Variants in CYP2A6 observed in about 807,000 individuals in gnomAD.
CYP2A6 encodes cytochrome P450 family 2 subfamily A member 6.
Under a neutral mutation model 42.3 loss-of-function variants are expected in CYP2A6, and 27 were observed. The observed-to-expected ratio is 0.64, with a 90% CI of 0.47 to 0.88. The LOEUF is 0.88. CYP2A6 is among the 40% of genes least tolerant of loss of function. The pLI, the probability that CYP2A6 is intolerant of heterozygous loss-of-function variation, is 0.00. For synonymous variants in CYP2A6, 238 were observed against 246.3 expected (o/e 0.97, Z 0.31); for missense variants, 628 against 646.0 (o/e 0.97, Z 0.30).
In CYP2A6 at chr19:40,844,764, T is replaced by C; in HGVS notation, c.1170A>G (p.Glu390=). 6.2e-7 allele frequency: 1 copy of C among 1,610,722 alleles called. No individual in the cohort carries two copies. Among genetic ancestry groups the C allele is most frequent in the Non-Finnish European group, 8.5e-7 (1 of 1,179,416 alleles). Residue 390 remains glutamate (E), a synonymous_variant, in exon 8 of 9, where the codon GAA becomes GAG. Coordinates refer to ENST00000301141, the MANE Select transcript of CYP2A6 (RefSeq NM_000762.6). ...FRDFFLPKGT[E]VYPMLGSVLR... ...GCACAGAGCCCAGCATAGGGTACAC[T>C]TCGGTGCCCTGGTAGGGAGGAGGAA...
chr19:40,843,730 A>G lies in CYP2A6; in HGVS notation c.*66T>C. 8 of 1,380,672 alleles carry G rather than the reference A, an allele frequency of 5.8e-6. 3 individuals carry two copies. The South Asian group carries it at 9.1e-5, about 16-fold the overall frequency. 85.5% of individuals were successfully genotyped at this position (1,380,672 alleles called of 1,614,324 possible). A position where few individuals can be genotyped will look rare whatever the true frequency, so the allele number is the denominator to read the frequency against. ...CAGTCTTAGCTGCGCCCCTCTCCCAAGCCCGGTCTTGGCCCTGCCCTTTCC... is the reference window on the plus strand; with the variant it reads ...CAGTCTTAGCTGCGCCCCTCTCCCAGGCCCGGTCTTGGCCCTGCCCTTTCC... On this transcript the variant is annotated 3_prime_UTR_variant, in exon 9 of 9. Coordinates refer to ENST00000301141, the MANE Select transcript of CYP2A6 (RefSeq NM_000762.6).
intron 7 of CYP2A6, 77 bp from the exon 8 acceptor site, chr19:40,844,849 A>G: frequency 5.2e-6 from 8 of 1,533,806 alleles, no homozygotes; most frequent in Non-Finnish European, 7.0e-6. Flanking sequence ...TGGAGGGGGA[A>G]CTAGTGTGCC....
At position 40,845,159 on chromosome 19, in the gene CYP2A6, G is replaced by A. The variant is rs772254031; in HGVS notation, c.1161+135C>T. The A allele has an allele frequency of 7.4e-6, 8 of 1,084,314 alleles. No homozygotes were observed. In the African/African-American group the frequency reaches 1.3e-4, roughly 17 times the overall value. 67.2% of individuals were successfully genotyped at this position (1,084,314 alleles called of 1,614,324 possible). ...TAAGTGGAAAGGTGGAACGGATGTG[G>A]TGGTTGGGGAAGTCTTTTTTGACTG... On this transcript the variant is annotated intron_variant, in intron 7 of 8. Coordinates refer to ENST00000301141, the MANE Select transcript of CYP2A6 (RefSeq NM_000762.6).
Position 40,845,531 on chromosome 19 carries a change from G to A in CYP2A6, c.974-50C>T, listed in dbSNP as rs528694759. On this transcript the variant is annotated intron_variant, in intron 6 of 8. Coordinates refer to ENST00000301141, the MANE Select transcript of CYP2A6 (RefSeq NM_000762.6). ...TAGGTATCTAGGGGTCTCAGAGCAG[G>A]AAATGATAGTCCGAATAGGCAAAAT... 3.4e-5 allele frequency: 54 copies of A among 1,602,110 alleles called. 1 individual carries two copies. In the South Asian group the frequency reaches 4.6e-4, roughly 14 times the overall value.
chr19:40,850,032 G>A, intron 1 of CYP2A6, 52 bp from the exon 2 acceptor site: 1 of 1,601,988 alleles, frequency 6.2e-7, no homozygotes, highest in South Asian at 1.1e-5. Context: ...ACTCTGAATG[G>A]GGCCCAGCAC....
chr19:40,844,818 T>G (rs1485368349), intron 7 of CYP2A6, 46 bp from the exon 8 acceptor site: 1 of 1,579,736 alleles, frequency 6.3e-7, no homozygotes, highest in Admixed American at 1.7e-5. Flanking sequence ...GGTCGGGGGA[T>G]TGGTGAAAGT....
rs58720852 is a variant in CYP2A6, at chr19:40,846,933, G to A, written c.773C>T (p.Thr258Met). 9 of 1,611,968 alleles carry A rather than the reference G, an allele frequency of 5.6e-6. 1 individual carries two copies. The highest frequency in any genetic ancestry group is 4.0e-5 in the African/African-American group (3 of 74,746). ...GTCCCGTGGGGAATTGGGATCCAGC[G>A]TGCGCTGGTTGTGCTCCACCTTCTT... ...IAKKVEHNQR[T>M]LDPNSPRDFI... The change falls in exon 5 of 9, where the codon ACG (threonine) becomes ATG (methionine). Residue 258 changes from threonine to methionine, a missense_variant. Coordinates refer to ENST00000301141, the MANE Select transcript of CYP2A6 (RefSeq NM_000762.6).
Position 40,844,739 on chromosome 19 carries a change from G to C in CYP2A6, c.1195C>G (p.Leu399Val). 1 of 1,611,674 alleles carries C rather than the reference G, an allele frequency of 6.2e-7. No individual in the cohort carries two copies. The highest frequency in any genetic ancestry group is 1.1e-5 in the South Asian group (1 of 90,914). ...TTGGAGAAGAAACTGGGGTCTCTCA[G>C]CACAGAGCCCAGCATAGGGTACACT... ...TEVYPMLGSVLRDPSFFSNPQ... is the reference protein window; with the variant it reads ...TEVYPMLGSVVRDPSFFSNPQ... The change falls in exon 8 of 9, where the codon CTG becomes GTG. Residue 399 changes from leucine (L) to valine (V), a missense_variant. Physicochemically the swap from Leu to Val is conservative, Grantham distance 32. Around this residue, in one of 2 missense-constraint regions of CYP2A6, gnomAD observed 606 missense variants for 568.1 expected, o/e 1.07. Coordinates refer to ENST00000301141, the MANE Select transcript of CYP2A6 (RefSeq NM_000762.6).
chr19:40,850,437 G>A lies in CYP2A6; in HGVS notation c.-11C>T, dbSNP rs778218518. 369 of 1,605,058 alleles carry A rather than the reference G, an allele frequency of 2.3e-4. 6 individuals carry two copies. The highest frequency in any genetic ancestry group is 2.7e-4 in the Non-Finnish European group (315 of 1,175,420). On this transcript the variant is annotated 5_prime_UTR_variant, in exon 1 of 9. Coordinates refer to ENST00000301141, the MANE Select transcript of CYP2A6 (RefSeq NM_000762.6). Reference sequence around the variant, plus strand: ...CCCTGAGGCCAGCATGGTGGTAGTGGGATGATAGATGGTGACGGCTGGGGT... The same window carrying A: ...CCCTGAGGCCAGCATGGTGGTAGTGAGATGATAGATGGTGACGGCTGGGGT...
Position 40,844,601 on chromosome 19 carries a change from G to A in CYP2A6, c.1303+30C>T, listed in dbSNP as rs374380841. Reference sequence around the variant, plus strand: ...AGGGAGGCCCCTGCTGGTGTGAGCCGTGGCCTGGCAGCAAACAGTGGTCTC... The same window carrying A: ...AGGGAGGCCCCTGCTGGTGTGAGCCATGGCCTGGCAGCAAACAGTGGTCTC... On this transcript the variant is annotated intron_variant, in intron 8 of 8. Coordinates refer to ENST00000301141, the MANE Select transcript of CYP2A6 (RefSeq NM_000762.6). 2.5e-6 allele frequency: 4 copies of A among 1,610,760 alleles called. No individual in the cohort carries two copies. In the African/African-American group the frequency reaches 4.0e-5, roughly 16 times the overall value.
intron 2 of CYP2A6, 138 bp downstream of exon 2, chr19:40,849,680 G>A: frequency 6.7e-7 from 1 of 1,484,266 alleles, no homozygotes; most frequent in Non-Finnish European, 9.0e-7. Context: ...AGGCCACAAT[G>A]AAGGGAGATG....
In CYP2A6 at chr19:40,845,275, G is replaced by A. The variant is rs1479116537; in HGVS notation, c.1161+19C>T. 2 of 1,611,400 alleles carry A rather than the reference G, an allele frequency of 1.2e-6. No homozygotes were observed. The highest frequency in any genetic ancestry group is 1.1e-5 in the South Asian group (1 of 90,890). ...GGGCTGGAAGTCCCCGTAGTCTGGG[G>A]GGTGGGGGCGGATAGCACCTTAGGG... is the stretch of plus-strand genomic sequence containing the variant. On this transcript the variant is annotated intron_variant, in intron 7 of 8. Coordinates refer to ENST00000301141, the MANE Select transcript of CYP2A6 (RefSeq NM_000762.6).
In CYP2A6 at chr19:40,845,043, G is replaced by A. The variant is rs1319175256; in HGVS notation, c.1161+251C>T. The stretch of plus-strand genomic sequence containing the variant: ...ATGACAAAAGGCCGAATGGAAAGGG[G>A]GCTTCTGTTTCTTAAGATAGGAAGT... On this transcript the variant is annotated intron_variant, in intron 7 of 8. Transcript: ENST00000301141. 8 of 647,804 alleles carry A rather than the reference G, an allele frequency of 1.2e-5. No homozygotes were observed. In the Admixed American group the frequency reaches 2.4e-4, roughly 19 times the overall value. The allele number at this position is 647,804 out of a possible 1,614,324, so 40.1% of individuals were successfully genotyped here.
intron 7 of CYP2A6, chr19:40,845,048 C>T (rs1285351776): frequency 1.5e-6 from 1 of 651,548 alleles, no homozygotes; most frequent in Non-Finnish European, 2.6e-6. Flanking sequence ...AAGGGGGCTT[C>T]TGTTTCTTAA....
chr19:40,850,144 A>G (rs141128348), intron 1 of CYP2A6, 103 bp downstream of exon 1: 2 of 1,531,870 alleles, frequency 1.3e-6, no homozygotes, highest in South Asian at 2.5e-5. Context: ...CCAAAACTCC[A>G]TTTCCTAAGA....
intron 5 of CYP2A6, 110 bp downstream of exon 5, chr19:40,846,765 T>C (rs1361462836): frequency 2.0e-6 from 3 of 1,471,408 alleles, no homozygotes; most frequent in Non-Finnish European, 2.7e-6. Context: ...GTGAGGATTA[T>C]TATGATGAGG....
intron 5 of CYP2A6, among the ~76,000 whole-genome samples, chr19:40,846,557 A>G (rs186832592): frequency 7.9e-5 from 12 of 151,192 alleles, no homozygotes; most frequent in Non-Finnish European, 1.0e-4. Context: ...CTGGAGTGCA[A>G]TGCCGTGATC....
intron 1 of CYP2A6, 74 bp from the exon 2 acceptor site, chr19:40,850,054 G>A (rs1967192219): frequency 1.3e-6 from 2 of 1,580,232 alleles, no homozygotes; most frequent in Non-Finnish European, 1.7e-6. Context: ...GAGATGTCAT[G>A]TGCTGGGATG....
intron 4 of CYP2A6, 78 bp from the exon 5 acceptor site, chr19:40,847,129 A>G (rs1258421706): frequency 1.2e-4 from 179 of 1,548,252 alleles, no homozygotes; most frequent in Non-Finnish European, 1.6e-4. Context: ...GATTTGTTTC[A>G]TAGCAAGGAA....
Sources: allele counts gnomAD v4.1 joint callset (sites outside exome capture counted in the v4.1 genomes callset), GRCh38; gene constraint gnomAD v4.1.1; regional missense constraint gnomAD v4.1.1; transcripts MANE v1.5; gene names NCBI Gene and HGNC (gene_info 2026-07-23, HGNC 2026-07-21).